Variants in FNBP1 observed in about 807,000 individuals in gnomAD.
FNBP1 encodes formin binding protein 1.
In FNBP1, 26 loss-of-function variants were observed where a neutral mutation model predicts 90.6. The observed-to-expected ratio is 0.29, with a 90% CI of 0.21 to 0.40. The LOEUF is 0.40. Ranked by LOEUF, FNBP1 falls within the 10% of genes least tolerant of loss-of-function variation. The pLI is 1.00. For missense variants in FNBP1, 635 were observed against 768.0 expected (o/e 0.83, Z 2.05); for synonymous variants, 260 against 265.2 (o/e 0.98, Z 0.19).
chr9:130,005,509 T>A (rs2055562368), intron 1 of FNBP1, among the ~76,000 whole-genome samples: 1 of 151,740 alleles, frequency 6.6e-6, no homozygotes, highest in African/African-American at 2.4e-5. Flanking sequence ...ACCCGGCTAA[T>A]TTTTTGTATT....
intron 4 of FNBP1, among the ~76,000 whole-genome samples, chr9:129,963,077 T>G (rs978143923): frequency 6.6e-6 from 1 of 152,142 alleles, no homozygotes; most frequent in Non-Finnish European, 1.5e-5. Flanking sequence ...CCCAAAAGTT[T>G]TACTTTGAGA....
chr9:129,998,274 C>T (rs1179956423), intron 1 of FNBP1, among the ~76,000 whole-genome samples: 4 of 149,422 alleles, frequency 2.7e-5, no homozygotes, highest in Admixed American at 6.7e-5. Flanking sequence ...GAGGCTGAGG[C>T]GGGAGGATCA....
chr9:129,975,999 A>G (rs2050256457), intron 4 of FNBP1, among the ~76,000 whole-genome samples: 2 of 152,000 alleles, frequency 1.3e-5, no homozygotes. Context: ...AGGGAAGTTC[A>G]GGGTCCAGGG....
intron 1 of FNBP1, among the ~76,000 whole-genome samples, chr9:129,998,648 C>T (rs1289854489): frequency 6.6e-6 from 1 of 152,122 alleles, no homozygotes; most frequent in Non-Finnish European, 1.5e-5. Context: ...TCATTCTTGG[C>T]CTATTAACAA....
In FNBP1 at chr9:130,031,351, A is replaced by G. The variant is rs535168147; in HGVS notation, c.24+11601T>C. ...GGGTATTTCCCATGCTCTCAAGGTG[A>G]GGTCATAGTCCTCACATGGTTTTTA... On this transcript the variant is annotated intron_variant, in intron 1 of 16. Transcript: ENST00000446176. This position sits in a 1 kb window ranked among gnomAD's most constrained non-coding sequence, Gnocchi z 4.2. Among the ~76,000 whole-genome samples the G allele has an allele frequency of 6.6e-6, 1 of 152,340 alleles. No individual in the cohort carries two copies. Among genetic ancestry groups the G allele is most frequent in the Admixed American group, 6.5e-5 (1 of 15,308 alleles).
intron 6 of FNBP1, among the ~76,000 whole-genome samples, chr9:129,939,842 A>G (rs1174581379): frequency 6.6e-6 from 1 of 152,174 alleles, no homozygotes; most frequent in Non-Finnish European, 1.5e-5. Context: ...ATAAACCACC[A>G]TGAGAGCTGA....
chr9:129,909,214 G>A (rs2038760353), intron 11 of FNBP1, among the ~76,000 whole-genome samples: 1 of 152,122 alleles, frequency 6.6e-6, no homozygotes. Context: ...CATGGATGCT[G>A]GCCAGAATGC....
chr9:130,053,351 G>T, the FNBP1 span: 7 of 153,688 alleles, frequency 4.6e-5, 1 homozygote, highest in East Asian at 1.3e-3. Context: ...GTACCTCCTA[G>T]CTCATCAAAT....
chr9:129,944,378 T>C (rs2044860908), intron 6 of FNBP1, among the ~76,000 whole-genome samples: 1 of 151,456 alleles, frequency 6.6e-6, no homozygotes, highest in Non-Finnish European at 1.5e-5. Flanking sequence ...CTGTCTCTAC[T>C]AAAAATACAA....
intron 4 of FNBP1, among the ~76,000 whole-genome samples, chr9:129,968,267 C>T (rs1029522204): frequency 2.6e-5 from 4 of 151,704 alleles, no homozygotes; most frequent in Admixed American, 6.6e-5. Flanking sequence ...TGGTGGCAGG[C>T]GCCTGTAATC....
intron 2 of FNBP1, among the ~76,000 whole-genome samples, chr9:129,979,695 G>A (rs578142718): frequency 3.1e-4 from 47 of 151,960 alleles, no homozygotes; most frequent in African/African-American, 1.0e-3. Flanking sequence ...GCTGGAATGC[G>A]GTAGCGTGAT....
At chr9:129,971,775 A>G (rs1466244207) in intron 4 of FNBP1, among the ~76,000 whole-genome samples, 1 of 152,260 alleles carries the variant, frequency 6.6e-6, no homozygotes, top group Non-Finnish European at 1.5e-5. Context: ...GGAAGGAAAC[A>G]TCGTCTTTGC....
At chr9:130,012,869 G>A (rs1462293565) in intron 1 of FNBP1, among the ~76,000 whole-genome samples, 1 of 152,124 alleles carries the variant, frequency 6.6e-6, no homozygotes, top group Non-Finnish European at 1.5e-5. Context: ...TTGATCTTCT[G>A]ACCTCGTGAT....
intron 4 of FNBP1, among the ~76,000 whole-genome samples, chr9:129,964,818 G>A (rs1054312316): frequency 6.7e-6 from 1 of 149,848 alleles, no homozygotes; most frequent in African/African-American, 2.5e-5. Flanking sequence ...ACCATTAACA[G>A]TTAAAAGAGC....
chr9:129,999,055 A>G (rs2054444103), intron 1 of FNBP1, among the ~76,000 whole-genome samples: 1 of 152,242 alleles, frequency 6.6e-6, no homozygotes, highest in African/African-American at 2.4e-5. Context: ...CTGACTTGAC[A>G]GCAGCTAGAA....
chr9:129,936,302 T>C (rs1270422123), intron 6 of FNBP1: 1 of 152,126 alleles, frequency 6.6e-6, no homozygotes, highest in Non-Finnish European at 1.5e-5. Flanking sequence ...CAATCTAGAT[T>C]TTATTCCCTT....
At chr9:130,024,246 C>A (rs898568367) in intron 1 of FNBP1, among the ~76,000 whole-genome samples, 3 of 128,460 alleles carry the variant, frequency 2.3e-5, no homozygotes, top group African/African-American at 8.6e-5. Context: ...CCTATCTCTA[C>A]CCCCCCCAAA....
At chr9:130,003,087 G>A (rs909390484) in intron 1 of FNBP1, among the ~76,000 whole-genome samples, 1 of 151,948 alleles carries the variant, frequency 6.6e-6, no homozygotes, top group East Asian at 1.9e-4. Flanking sequence ...ATAAGCATGG[G>A]CTATGGCATT....
upstream of FNBP1, among the ~76,000 whole-genome samples, chr9:130,047,529 C>T (rs1015980609): frequency 3.9e-5 from 6 of 152,160 alleles, no homozygotes; most frequent in Non-Finnish European, 7.3e-5. Context: ...AGGAGAATCG[C>T]GTGAACCTGG....
Sources: allele counts gnomAD v4.1 joint callset (sites outside exome capture counted in the v4.1 genomes callset), GRCh38; gene constraint gnomAD v4.1.1; non-coding constraint Gnocchi (gnomAD v3.1); transcripts MANE v1.5; gene names NCBI Gene and HGNC (gene_info 2026-07-23, HGNC 2026-07-21).